MAP4K3: variants seen among roughly 807,000 people sequenced by gnomAD.
MAP4K3 encodes MAPK/ERK kinase kinase kinase 3.
Under a neutral mutation model 143.5 loss-of-function variants are expected in MAP4K3, and 94 were observed. The observed-to-expected ratio is 0.65, with a 90% CI of 0.55 to 0.78. The LOEUF (loss-of-function observed/expected upper bound fraction) is 0.78. Among genes scored for constraint, MAP4K3 ranks in the 30% least tolerant of loss-of-function variants. MAP4K3 has a pLI of 0.00. For missense variants in MAP4K3, 1,077 were observed against 1,068.1 expected, an observed-to-expected ratio of 1.01 and a Z score of -0.12; for synonymous variants, 416 against 347.2, an observed-to-expected ratio of 1.20 and a Z score of -2.20.
At position 39,309,499 on chromosome 2, in the gene MAP4K3, G is replaced by C. The variant is rs145604652; in HGVS notation, c.1018C>G (p.Pro340Ala). The C allele has an allele frequency of 5.1e-5, 80 of 1,581,180 alleles. No homozygotes were observed. The African/African-American group carries it at 1.1e-3, about 21-fold the overall frequency. Residue 340 changes from proline to alanine, a missense_variant, in exon 14 of 34, where the codon CCA (proline) becomes GCA (alanine). This residue lies in a region of MAP4K3 where 864 missense variants were observed against 801.2 expected (regional missense o/e 1.08). Transcript: ENST00000263881. ...EITFGQVKFD[P>A]PLRKETEPHH... ...GGTTCTGTCTCCTTTCTTAAGGGTG[G>C]ATCAAATTTCACTTGGCCAACTAAA...
At chr2:39,272,005 TAAAATTATGGCAAAGTACAAGAAA>T in intron 26 of MAP4K3, 1 of 261,232 alleles carries the variant, frequency 3.8e-6, no homozygotes, top group Non-Finnish European at 7.2e-6. Flanking sequence ...AAATGCAATG[TAAAATTATGGCAAAGTACAAGAAA>T]AAAACTAGTT....
At chr2:39,336,576 G>C (rs896030775) in intron 6 of MAP4K3, among the ~76,000 whole-genome samples, 16 of 148,258 alleles carry the variant, frequency 1.1e-4, no homozygotes, top group African/African-American at 3.7e-4. Context: ...GACTGCGAAA[G>C]CTCACTGAAA....
At chr2:39,288,828 G>A (rs1681908478) in intron 19 of MAP4K3, among the ~76,000 whole-genome samples, 2 of 152,208 alleles carry the variant, frequency 1.3e-5, no homozygotes, top group African/African-American at 2.4e-5. Flanking sequence ...TGAGGCGAGC[G>A]GATCACGAGG....
chr2:39,334,284 T>C (rs533197348), intron 6 of MAP4K3, among the ~76,000 whole-genome samples: 5 of 152,296 alleles, frequency 3.3e-5, no homozygotes, highest in East Asian at 3.9e-4. Flanking sequence ...TTGGAAGAGA[T>C]AGCAATACTA....
intron 27 of MAP4K3, 89 bp downstream of exon 27, chr2:39,267,100 G>T: frequency 8.2e-7 from 1 of 1,220,594 alleles, no homozygotes; most frequent in Non-Finnish European, 1.2e-6. Context: ...ATAAAGTATT[G>T]CTGGCAGAAT....
intron 7 of MAP4K3, among the ~76,000 whole-genome samples, chr2:39,332,487 C>T (rs754704535): frequency 2.0e-5 from 3 of 151,858 alleles, no homozygotes; most frequent in Non-Finnish European, 4.4e-5. Context: ...CATTTAGTAC[C>T]AGTATCAGTC....
intron 26 of MAP4K3, among the ~76,000 whole-genome samples, chr2:39,267,797 T>C (rs1273697608): frequency 6.6e-6 from 1 of 152,002 alleles, no homozygotes; most frequent in Non-Finnish European, 1.5e-5. Context: ...TAGAAATATA[T>C]GACCTTGGGA....
rs781147516 is a variant in MAP4K3 at position 39,325,818 on chromosome 2, A to C, written c.726-7T>G. 9 of 1,592,662 alleles carry C rather than the reference A, an allele frequency of 5.7e-6. No individual in the cohort carries two copies. In the South Asian group the frequency reaches 1.0e-4, roughly 18 times the overall value. Reference sequence around the variant, plus strand: ...GTGATGAAAACTATTTGACCTAAGAAATTTAGAAAATTAGACTTTTACATT... The same window carrying C: ...GTGATGAAAACTATTTGACCTAAGACATTTAGAAAATTAGACTTTTACATT... On this transcript the variant is annotated splice_polypyrimidine_tract_variant and splice_region_variant and intron_variant, in intron 10 of 33. Transcript: ENST00000263881.
chr2:39,343,360 C>T, intron 4 of MAP4K3, 28 bp downstream of exon 4: 1 of 1,513,790 alleles, frequency 6.6e-7, no homozygotes, highest in Non-Finnish European at 9.1e-7. Flanking sequence ...TCAACCTAAC[C>T]CCTATAAAAA....
At chr2:39,410,471 T>C (rs1667205707) in intron 1 of MAP4K3, among the ~76,000 whole-genome samples, 1 of 152,188 alleles carries the variant, frequency 6.6e-6, no homozygotes, top group South Asian at 2.1e-4. Flanking sequence ...ATGTTGGTTC[T>C]TTGCTAATAC....
At position 39,333,561 on chromosome 2, in the gene MAP4K3, A is replaced by G; in HGVS notation, c.428T>C (p.Leu143Pro). Reference sequence around the variant, plus strand: ...TTTCACATGACCATTATCCGTTAATAGAATGTTAGCTCCCTTCAAAGTAAC... The same window carrying G: ...TTTCACATGACCATTATCCGTTAATGGAATGTTAGCTCCCTTCAAAGTAAC... ...MHRDIKGANI[L>P]LTDNGHVKLA... The change falls in exon 7 of 34, where the codon CTA becomes CCA. Residue 143 changes from leucine (L) to proline (P), a missense_variant. By Grantham distance (98) the Leu-to-Pro change is moderately conservative. This residue lies in a region of MAP4K3 where 213 missense variants were observed against 266.8 expected (regional missense o/e 0.80). Coordinates refer to ENST00000263881, the MANE Select transcript of MAP4K3 (RefSeq NM_003618.4). The G allele has an allele frequency of 6.2e-7, 1 of 1,605,200 alleles. No individual in the cohort carries two copies. The highest frequency in any genetic ancestry group is 8.5e-7 in the Non-Finnish European group (1 of 1,172,766).
chr2:39,312,973 C>T lies in MAP4K3; in HGVS notation c.997+2337G>A, dbSNP rs1057156885. Among the ~76,000 whole-genome samples, 9 of 152,270 alleles carry T rather than the reference C, an allele frequency of 5.9e-5. No homozygotes were observed. In the East Asian group the frequency reaches 9.7e-4, roughly 16 times the overall value. The stretch of plus-strand genomic sequence containing the variant: ...GCAAGGATGCTGTCTTACTAAAAGC[C>T]GTGACTATAGCAGGTATTCAGTATC... On this transcript the variant is annotated intron_variant, in intron 13 of 33. Transcript: ENST00000263881.
chr2:39,391,272 T>C (rs2024515), intron 1 of MAP4K3, among the ~76,000 whole-genome samples: 143,340 of 149,386 alleles, frequency 0.96, 69,064 homozygotes, highest in East Asian at 1. Context: ...GGCAGGAGAA[T>C]GGCGTGAACC....
At position 39,337,614 on chromosome 2, in the gene MAP4K3, T is replaced by C. The variant is rs762479022; in HGVS notation, c.311-33A>G. On this transcript the variant is annotated intron_variant, in intron 4 of 33. Transcript: ENST00000263881. ...AGAAGACAATTAATACTCATAAAAT[T>C]AGTCAACGCATGTTTTTCAATATAT... The C allele has an allele frequency of 2.8e-6, 4 of 1,425,728 alleles. No individual in the cohort carries two copies. The Admixed American group carries it at 6.9e-5, about 24-fold the overall frequency. The allele number at this position is 1,425,728 out of a possible 1,614,324, so 88.3% of individuals were successfully genotyped here. A position where few individuals can be genotyped will look rare whatever the true frequency, so the allele number is the denominator to read the frequency against.
intron 26 of MAP4K3, among the ~76,000 whole-genome samples, chr2:39,269,275 A>G (rs769853151): frequency 6.6e-6 from 1 of 152,006 alleles, no homozygotes; most frequent in Non-Finnish European, 1.5e-5. Context: ...ATTAAAAAAT[A>G]TAATATCGTA....
At chr2:39,329,377 A>C (rs1683611106) in intron 8 of MAP4K3, among the ~76,000 whole-genome samples, 1 of 152,224 alleles carries the variant, frequency 6.6e-6, no homozygotes, top group Non-Finnish European at 1.5e-5. Flanking sequence ...GACATATTTT[A>C]ACTAAAACCA....
chr2:39,426,788 A>G (rs981410987), intron 1 of MAP4K3, among the ~76,000 whole-genome samples: 4 of 152,106 alleles, frequency 2.6e-5, no homozygotes, highest in African/African-American at 9.6e-5. Context: ...GATAATAAAG[A>G]TAAGAACCAT....
intron 1 of MAP4K3, among the ~76,000 whole-genome samples, chr2:39,402,110 G>A (rs943077677): frequency 6.6e-6 from 1 of 151,892 alleles, no homozygotes; most frequent in Admixed American, 6.6e-5. Flanking sequence ...CACGGACTAC[G>A]AAAAAAACCC....
intron 1 of MAP4K3, among the ~76,000 whole-genome samples, chr2:39,407,528 A>G (rs1667129324): frequency 6.6e-6 from 1 of 152,176 alleles, no homozygotes; most frequent in Non-Finnish European, 1.5e-5. Context: ...GAGAAAGGTT[A>G]TCTGCCTAAA....
Sources: allele counts gnomAD v4.1 joint callset (sites outside exome capture counted in the v4.1 genomes callset), GRCh38; gene constraint gnomAD v4.1.1; regional missense constraint gnomAD v4.1.1; transcripts MANE v1.5; gene names NCBI Gene and HGNC (gene_info 2026-07-23, HGNC 2026-07-21).